FNDC3B: variants seen among roughly 807,000 people sequenced by gnomAD.
The protein encoded by FNDC3B is fibronectin type III domain-containing protein 3B.
Under a neutral mutation model 151.5 loss-of-function variants are expected in FNDC3B, and 12 were observed. The observed-to-expected ratio is 0.08, with a 90% CI of 0.05 to 0.13. FNDC3B has a LOEUF of 0.13. Ranked by LOEUF, FNDC3B falls within the 10% of genes least tolerant of loss-of-function variation. FNDC3B has a pLI of 1.00. For missense variants in FNDC3B, 1,214 were observed against 1,505.3 expected (o/e 0.81, Z 3.20); for synonymous variants, 528 against 549.0 (o/e 0.96, Z 0.54).
At chr3:172,330,273 G>T (rs1560081824) in intron 12 of FNDC3B, 1 of 326,730 alleles carries the variant, frequency 3.1e-6, no homozygotes, top group Admixed American at 4.8e-5. Context: ...CATTCACGTG[G>T]ACTCAAGATG....
intron 3 of FNDC3B, among the ~76,000 whole-genome samples, chr3:172,189,801 A>T (rs1267677862): frequency 2.6e-3 from 6 of 2,266 alleles, no homozygotes; most frequent in African/African-American, 0.013. Flanking sequence ...ACCTTGTCTA[A>T]AAAAAAAAAA....
chr3:172,192,382 T>G (rs1724565975), intron 3 of FNDC3B, among the ~76,000 whole-genome samples: 1 of 151,938 alleles, frequency 6.6e-6, no homozygotes, highest in Non-Finnish European at 1.5e-5. Flanking sequence ...AGACAGGGTT[T>G]CACCGTGTTA....
At chr3:172,225,363 G>A in intron 3 of FNDC3B, 6 of 177,534 alleles carry the variant, frequency 3.4e-5, no homozygotes, top group Non-Finnish European at 6.1e-5. Context: ...TGTAGAGATG[G>A]GATCTCGCTA....
At position 172,295,449 on chromosome 3, in the gene FNDC3B, C is replaced by T; in HGVS notation, c.936C>T (p.Phe312=). ...LSCGPHSGLS[F]PYSYEVALSD... ...GTGGACCCCACAGTGGTCTTTCCTT[C>T]CCCTACAGTTACGAGGTGGCCTTAT... Residue 312 remains phenylalanine (F), a synonymous_variant, in exon 8 of 26, where the codon TTC becomes TTT. Coordinates refer to ENST00000415807, the MANE Select transcript of FNDC3B (RefSeq NM_022763.4). The T allele has an allele frequency of 6.2e-7, 1 of 1,614,024 alleles. No individual in the cohort carries two copies. The highest frequency in any genetic ancestry group is 1.1e-5 in the South Asian group (1 of 91,082).
At chr3:172,337,564 A>G (rs1193637798) in intron 16 of FNDC3B, 163 bp downstream of exon 16, 2 of 563,950 alleles carry the variant, frequency 3.5e-6, no homozygotes, top group East Asian at 3.0e-5. Flanking sequence ...TTCTATTTCA[A>G]ACACAGCACC....
At chr3:172,229,123 ACACACACACACAC>A (rs1170568057) in intron 4 of FNDC3B, among the ~76,000 whole-genome samples, 222 of 151,056 alleles carry the variant, frequency 1.5e-3, no homozygotes, top group African/African-American at 3.6e-3. Context: ...ACACACACAC[ACACACACACACAC>A]AATCTCCTGC....
At chr3:172,101,150 G>C (rs1312088252) in intron 1 of FNDC3B, among the ~76,000 whole-genome samples, 4 of 152,166 alleles carry the variant, frequency 2.6e-5, no homozygotes, top group Non-Finnish European at 4.4e-5. Context: ...TGGCTGATCA[G>C]AAATGAAGGT....
intron 1 of FNDC3B, among the ~76,000 whole-genome samples, chr3:172,106,911 A>G (rs1719683543): frequency 6.6e-6 from 1 of 152,224 alleles, no homozygotes; most frequent in Non-Finnish European, 1.5e-5. Flanking sequence ...GATCTTTTGT[A>G]ATATTCTTTT....
At chr3:172,108,167 C>CA (rs983261820) in intron 1 of FNDC3B, among the ~76,000 whole-genome samples, 13 of 137,508 alleles carry the variant, frequency 9.5e-5, no homozygotes, top group African/African-American at 1.5e-4. Context: ...GACTCTGTCT[C>CA]AAAAAAAAGA....
intron 9 of FNDC3B, among the ~76,000 whole-genome samples, chr3:172,306,631 GA>G (rs1447715855): frequency 6.6e-6 from 1 of 152,214 alleles, no homozygotes; most frequent in African/African-American, 2.4e-5. Flanking sequence ...TATGCTATTT[GA>G]AGAGTGTGGC....
chr3:172,120,993 A>G (rs1003976266), intron 2 of FNDC3B, among the ~76,000 whole-genome samples: 18 of 152,026 alleles, frequency 1.2e-4, no homozygotes, highest in African/African-American at 4.1e-4. Flanking sequence ...ACAACCCAGA[A>G]GATATGTTAA....
At chr3:172,148,942 A>G (rs1207309882) in intron 3 of FNDC3B, among the ~76,000 whole-genome samples, 1 of 152,254 alleles carries the variant, frequency 6.6e-6, no homozygotes, top group Non-Finnish European at 1.5e-5. Context: ...TCTTGGCTAT[A>G]GACAGAGTAG....
At chr3:172,300,468 T>A (rs1730849407) in intron 9 of FNDC3B, among the ~76,000 whole-genome samples, 1 of 151,932 alleles carries the variant, frequency 6.6e-6, no homozygotes, top group African/African-American at 2.4e-5. Flanking sequence ...CCATTTATTT[T>A]TTTTTTAAAC....
chr3:172,272,251 C>T (rs773692175), intron 6 of FNDC3B, among the ~76,000 whole-genome samples: 6 of 152,116 alleles, frequency 3.9e-5, no homozygotes, highest in Non-Finnish European at 7.4e-5. Flanking sequence ...TAGTAAAACA[C>T]AGAACCATGA....
chr3:172,292,868 A>G (rs1278008386), intron 7 of FNDC3B, among the ~76,000 whole-genome samples: 1 of 152,256 alleles, frequency 6.6e-6, no homozygotes, highest in Non-Finnish European at 1.5e-5. Flanking sequence ...AAATCTAGGT[A>G]GAGAAACAAC....
intron 6 of FNDC3B, among the ~76,000 whole-genome samples, chr3:172,282,323 C>T (rs11708600): frequency 0.061 from 9,254 of 152,178 alleles, 356 homozygotes; most frequent in Non-Finnish European, 0.075. Flanking sequence ...GTGCATTTTT[C>T]TCTCTTTTTT....
chr3:172,069,222 G>A (rs1251479036), intron 1 of FNDC3B, among the ~76,000 whole-genome samples: 1 of 152,222 alleles, frequency 6.6e-6, no homozygotes, highest in Non-Finnish European at 1.5e-5. Flanking sequence ...ACCTGTGGGA[G>A]GGTGAGGGCA....
intron 3 of FNDC3B, among the ~76,000 whole-genome samples, chr3:172,207,135 T>C (rs957302609): frequency 6.6e-6 from 1 of 152,172 alleles, no homozygotes; most frequent in East Asian, 1.9e-4. Flanking sequence ...ATCATTACCT[T>C]AATTTTTTTA....
At chr3:172,250,714 A>C (rs1242370218) in intron 5 of FNDC3B, among the ~76,000 whole-genome samples, 1 of 152,172 alleles carries the variant, frequency 6.6e-6, no homozygotes, top group Non-Finnish European at 1.5e-5. Flanking sequence ...TAATATAGGA[A>C]TTTTTCTGAA....
Sources: allele counts gnomAD v4.1 joint callset (sites outside exome capture counted in the v4.1 genomes callset), GRCh38; gene constraint gnomAD v4.1.1; transcripts MANE v1.5; gene names NCBI Gene and HGNC (gene_info 2026-07-23, HGNC 2026-07-21).